EFCAB13: variants seen among roughly 807,000 people sequenced by gnomAD.
The protein encoded by EFCAB13 is EF-hand calcium binding domain 13, also known as EF-hand calcium-binding domain-containing protein 13.
A neutral mutation model predicts 110.2 loss-of-function variants in EFCAB13; 91 were observed. That is an observed-to-expected ratio of 0.83 (90% CI 0.70 to 0.98). EFCAB13 has a LOEUF of 0.98. Ranked by LOEUF, EFCAB13 falls within the 50% of genes least tolerant of loss-of-function variation. The pLI is 0.00. For missense variants in EFCAB13, 968 were observed against 1,119.4 expected, an observed-to-expected ratio of 0.86 and a Z score of 1.93; for synonymous variants, 323 against 369.9, an observed-to-expected ratio of 0.87 and a Z score of 1.45.
chr17:47,334,759 TA>T (rs1330121204), intron 4 of EFCAB13, among the ~76,000 whole-genome samples: 1 of 151,764 alleles, frequency 6.6e-6, no homozygotes, highest in Admixed American at 6.6e-5. Context: ...CTACGAATAA[TA>T]AAAAATTAGC....
Position 47,429,885 on chromosome 17 carries a change from G to A in EFCAB13, c.2562G>A (p.Lys854=), listed in dbSNP as rs1316411297. 1 of 1,612,668 alleles carries A rather than the reference G, an allele frequency of 6.2e-7. No homozygotes were observed. The highest frequency in any genetic ancestry group is 8.5e-7 in the Non-Finnish European group (1 of 1,179,182). Residue 854 remains lysine (K), a synonymous_variant, in exon 24 of 25, where the codon AAG becomes AAA. Coordinates refer to ENST00000331493, the MANE Select transcript of EFCAB13 (RefSeq NM_152347.5). ...QNDLVDVSDL[K]TLLMDKDLHT... ...ATCTAGTTGATGTCTCTGACCTCAA[G>A]ACATTATTGATGGACAAGGACCTTC...
At chr17:47,414,083 T>C (rs1904336487) in intron 22 of EFCAB13, among the ~76,000 whole-genome samples, 1 of 152,204 alleles carries the variant, frequency 6.6e-6, no homozygotes, top group Non-Finnish European at 1.5e-5. Context: ...TGGAATGTTA[T>C]ATGTCATAGA....
rs759044461 is a variant in EFCAB13 at position 47,394,116 on chromosome 17, T to C, written c.1801+17T>C. On this transcript the variant is annotated intron_variant, in intron 16 of 24. Transcript: ENST00000331493. ...AAAAATTAGGTACGTAAGAATATCA[T>C]GTCTTCTGCTTTTTGTGGACCAAAT... 2 of 1,465,280 alleles carry C rather than the reference T, an allele frequency of 1.4e-6. No individual in the cohort carries two copies. Among genetic ancestry groups the C allele is most frequent in the East Asian group, 2.5e-5 (1 of 40,386 alleles). 90.8% of individuals were successfully genotyped at this position (1,465,280 alleles called of 1,614,324 possible).
chr17:47,361,473 A>G lies in EFCAB13; in HGVS notation c.757A>G (p.Ile253Val), dbSNP rs760278304. The change falls in exon 10 of 25, where the codon ATA (isoleucine) becomes GTA (valine). Residue 253 changes from isoleucine (I) to valine (V), a missense_variant. Ile to Val is a conservative substitution (Grantham distance 29). Coordinates refer to ENST00000331493, the MANE Select transcript of EFCAB13 (RefSeq NM_152347.5). The stretch of plus-strand genomic sequence containing the variant: ...TGTTTTGGATAGCATGGGTATCCCT[A>G]TAAACCGTGAAATTTTAGAAGAAGT... Reference protein sequence around the residue: ...FAVLDSMGIPINREILEEVTK... With the variant: ...FAVLDSMGIPVNREILEEVTK... 61 of 1,613,376 alleles carry G rather than the reference A, an allele frequency of 3.8e-5. No homozygotes were observed. In the East Asian group the frequency reaches 1.3e-3, roughly 34 times the overall value.
At chr17:47,429,459 T>G (rs777919099) in intron 23 of EFCAB13, among the ~76,000 whole-genome samples, 64 of 152,302 alleles carry the variant, frequency 4.2e-4, no homozygotes, top group Non-Finnish European at 6.5e-4. Flanking sequence ...GGTCTGTTAC[T>G]TAAATCCCAT....
At chr17:47,417,788 A>T (rs577162087) in intron 23 of EFCAB13, among the ~76,000 whole-genome samples, 2 of 151,830 alleles carry the variant, frequency 1.3e-5, no homozygotes, top group East Asian at 3.9e-4. Flanking sequence ...TTTCTCCAGC[A>T]GGAGTTTATT....
At chr17:47,385,476 C>CG (rs1567794755) in intron 14 of EFCAB13, among the ~76,000 whole-genome samples, 5 of 151,692 alleles carry the variant, frequency 3.3e-5, no homozygotes, top group African/African-American at 1.2e-4. Context: ...GTTCTTGTGC[C>CG]GTGTTTTTCA....
At chr17:47,365,129 CATTG>C (rs2065538726) in intron 10 of EFCAB13, among the ~76,000 whole-genome samples, 2 of 152,182 alleles carry the variant, frequency 1.3e-5, no homozygotes, top group Non-Finnish European at 2.9e-5. Flanking sequence ...GTTTGATTGA[CATTG>C]ATATTTCAAA....
At chr17:47,372,284 A>G (rs1222269234) in intron 11 of EFCAB13, among the ~76,000 whole-genome samples, 1 of 152,168 alleles carries the variant, frequency 6.6e-6, no homozygotes, top group Non-Finnish European at 1.5e-5. Context: ...CTTACAAAAT[A>G]TCTTGTAGTT....
intron 18 of EFCAB13, 81 bp from the exon 19 acceptor site, chr17:47,403,797 A>AAT: frequency 1.5e-6 from 2 of 1,332,782 alleles, no homozygotes; most frequent in Non-Finnish European, 2.0e-6. Context: ...AGGATACAAT[A>AAT]ATAAACTATG....
At chr17:47,420,681 G>C (rs375085854) in intron 23 of EFCAB13, among the ~76,000 whole-genome samples, 66 of 135,214 alleles carry the variant, frequency 4.9e-4, no homozygotes, top group African/African-American at 1.6e-3. Flanking sequence ...CGGCCGCCCC[G>C]TCTGAGAAGT....
intron 23 of EFCAB13, among the ~76,000 whole-genome samples, chr17:47,418,069 G>C (rs1306223222): frequency 6.6e-6 from 1 of 152,034 alleles, no homozygotes; most frequent in East Asian, 1.9e-4. Flanking sequence ...CTTGCTTCAG[G>C]GACAAAGCAT....
At chr17:47,411,908 A>G (rs1232899590) in intron 21 of EFCAB13, among the ~76,000 whole-genome samples, 2 of 152,214 alleles carry the variant, frequency 1.3e-5, no homozygotes, top group East Asian at 3.8e-4. Context: ...TCTGGCCAAC[A>G]TGGCGAAACC....
chr17:47,328,101 T>A, intron 3 of EFCAB13, 168 bp from the exon 4 acceptor site: 1 of 496,520 alleles, frequency 2.0e-6, no homozygotes, highest in Admixed American at 4.0e-5. Context: ...TGATTTATAG[T>A]CTACTAACTG....
intron 8 of EFCAB13, among the ~76,000 whole-genome samples, 159 bp from the exon 9 acceptor site, chr17:47,347,649 A>G (rs2065425084): frequency 1.3e-5 from 2 of 152,328 alleles, no homozygotes; most frequent in Admixed American, 6.5e-5. Flanking sequence ...TTGAATATTA[A>G]AAGATTGAAG....
intron 10 of EFCAB13, among the ~76,000 whole-genome samples, chr17:47,367,015 G>A (rs780742589): frequency 4.6e-5 from 7 of 152,208 alleles, no homozygotes; most frequent in Non-Finnish European, 8.8e-5. Context: ...GAGGGTTGAA[G>A]CTTTGAGTTG....
rs374124730 is a variant in EFCAB13, at chr17:47,402,183, G to A, written c.1997G>A (p.Arg666His). 6.1e-5 allele frequency: 99 copies of A among 1,613,686 alleles called. No homozygotes were observed. The highest frequency in any genetic ancestry group is 1.5e-4 in the African/African-American group (11 of 74,924). Residue 666 changes from arginine to histidine, a missense_variant, in exon 18 of 25, where the codon CGT (arginine) becomes CAT (histidine). Physicochemically the swap from Arg to His is conservative, Grantham distance 29 (BLOSUM62 0). Coordinates refer to ENST00000331493, the MANE Select transcript of EFCAB13 (RefSeq NM_152347.5). ...TTTGCAAAAGTAGTAAGGAATATGCGTGATGCTGCCAGGTTAGAAGGTAAG... is the reference window on the plus strand; with the variant it reads ...TTTGCAAAAGTAGTAAGGAATATGCATGATGCTGCCAGGTTAGAAGGTAAG... ...EEFAKVVRNMRDAARLEELQE... is the reference protein window; with the variant it reads ...EEFAKVVRNMHDAARLEELQE...
chr17:47,374,579 C>T lies in EFCAB13; in HGVS notation c.985C>T (p.Leu329Phe). 1 of 1,599,822 alleles carries T rather than the reference C, an allele frequency of 6.3e-7. No individual in the cohort carries two copies. The highest frequency in any genetic ancestry group is 2.2e-5 in the East Asian group (1 of 44,762). Residue 329 changes from leucine (L) to phenylalanine (F), a missense_variant, in exon 12 of 25, where the codon CTC becomes TTC. Coordinates refer to ENST00000331493, the MANE Select transcript of EFCAB13 (RefSeq NM_152347.5). ...GAAGAAAAATAGTTTGTCTTCCAAA[C>T]TCCCTGAACCTTCAATATCCAAAAA... Reference protein sequence around the residue: ...YKKKNSLSSKLPEPSISKKLN... With the variant: ...YKKKNSLSSKFPEPSISKKLN...
At chr17:47,348,372 A>G (rs1334821823) in intron 9 of EFCAB13, among the ~76,000 whole-genome samples, 2 of 152,114 alleles carry the variant, frequency 1.3e-5, no homozygotes, top group Non-Finnish European at 2.9e-5. Context: ...TGAGGTAAGA[A>G]TTACCTTGAA....
Sources: allele counts gnomAD v4.1 joint callset (sites outside exome capture counted in the v4.1 genomes callset), GRCh38; gene constraint gnomAD v4.1.1; transcripts MANE v1.5; gene names NCBI Gene and HGNC (gene_info 2026-07-23, HGNC 2026-07-21).